GYS2: variants seen among roughly 807,000 people sequenced by gnomAD.
GYS2 encodes glycogen synthase 2.
In GYS2, 80 loss-of-function variants were observed where a neutral mutation model predicts 85.6. That is an observed-to-expected ratio of 0.93 (90% CI 0.78 to 1.13). The LOEUF (loss-of-function observed/expected upper bound fraction) is 1.13, where lower values mean the gene tolerates loss of function less well. GYS2 is among the 50% of genes most tolerant of loss of function. GYS2 has a pLI of 0.00. For synonymous variants in GYS2, 328 were observed against 300.7 expected (o/e 1.09, Z -0.94); for missense variants, 881 against 854.9 (o/e 1.03, Z -0.38).
At chr12:21,594,328 A>G (rs35178746) in intron 1 of GYS2, among the ~76,000 whole-genome samples, 7,695 of 152,256 alleles carry the variant, frequency 0.051, 258 homozygotes, top group Non-Finnish European at 0.07. Context: ...ATCTTTCCAG[A>G]TGACATGATT....
downstream of GYS2, among the ~76,000 whole-genome samples, chr12:21,535,739 C>A (rs1320849524): frequency 6.6e-6 from 1 of 152,074 alleles, no homozygotes. Flanking sequence ...TTTTTTAGAA[C>A]CTCTTCAGAA....
chr12:21,561,563 G>A (rs1944253555), intron 7 of GYS2, among the ~76,000 whole-genome samples: 1 of 152,072 alleles, frequency 6.6e-6, no homozygotes, highest in Non-Finnish European at 1.5e-5. Flanking sequence ...AAGTATTGCA[G>A]TTATCTTTTA....
chr12:21,563,038 A>T lies in GYS2; in HGVS notation c.942T>A (p.Gly314=). 2 of 1,609,060 alleles carry T rather than the reference A, an allele frequency of 1.2e-6. No homozygotes were observed. Among genetic ancestry groups the T allele is most frequent in the Middle Eastern group, 3.3e-4 (2 of 6,054 alleles). ...TCTTTTCAAGATCAAAGTCGAGATG[A>T]CTAAAACAAAACAAAACCAAACAGT... ...IQDFVRGHFY[G]HLDFDLEKTL... is the part of the protein sequence containing the mutation. The change falls in exon 7 of 16, where the codon GGT becomes GGA. Residue 314 remains glycine (G), a splice_region_variant and synonymous_variant. Transcript: ENST00000261195.
intron 1 of GYS2, among the ~76,000 whole-genome samples, chr12:21,582,044 T>G (rs1944515623): frequency 1.3e-5 from 2 of 151,520 alleles, no homozygotes; most frequent in African/African-American, 4.9e-5. Flanking sequence ...AAAGACCGAA[T>G]CAACAGAGTA....
intron 5 of GYS2, among the ~76,000 whole-genome samples, chr12:21,564,142 C>T (rs1199994601): frequency 1.3e-5 from 2 of 152,010 alleles, no homozygotes; most frequent in African/African-American, 2.4e-5. Context: ...TCAGATTTAG[C>T]AGCATAAAGC....
intron 1 of GYS2, among the ~76,000 whole-genome samples, chr12:21,600,695 T>G (rs1295218880): frequency 6.6e-6 from 1 of 152,176 alleles, no homozygotes; most frequent in Non-Finnish European, 1.5e-5. Flanking sequence ...AGAAAAGTAC[T>G]TCTATATACG....
intron 2 of GYS2, among the ~76,000 whole-genome samples, chr12:21,578,741 G>T (rs118087431): frequency 0.031 from 4,781 of 152,108 alleles, 142 homozygotes; most frequent in Non-Finnish European, 0.046. Flanking sequence ...AGCGAAAAAT[G>T]ATTCTTTCAG....
intron 4 of GYS2, among the ~76,000 whole-genome samples, chr12:21,573,516 T>C (rs2136901907): frequency 6.6e-6 from 1 of 152,280 alleles, no homozygotes. Flanking sequence ...CTGAATGACT[T>C]TGGCAGGTCA....
chr12:21,563,015 T>C lies in GYS2; in HGVS notation c.965A>G (p.Lys322Arg). Residue 322 changes from lysine to arginine, a missense_variant, in exon 7 of 16, where the codon AAG (lysine) becomes AGG (arginine). Lys to Arg is a conservative substitution (Grantham distance 26). Transcript: ENST00000261195. ...CCCAGCAATGAAAAGGAACAAAGTC[T>C]TTTCAAGATCAAAGTCGAGATGACT... ...FYGHLDFDLE[K>R]TLFLFIAGRY... 1.9e-6 allele frequency: 3 copies of C among 1,612,680 alleles called. No homozygotes were observed. The highest frequency in any genetic ancestry group is 2.5e-6 in the Non-Finnish European group (3 of 1,178,816).
chr12:21,557,304 G>A (rs559546297), intron 11 of GYS2, among the ~76,000 whole-genome samples: 1 of 152,258 alleles, frequency 6.6e-6, no homozygotes, highest in African/African-American at 2.4e-5. Context: ...CTGGAATACA[G>A]CAGGCCCTCA....
At chr12:21,555,183 A>T (rs1307143437) in intron 11 of GYS2, among the ~76,000 whole-genome samples, 2 of 152,196 alleles carry the variant, frequency 1.3e-5, no homozygotes, top group Non-Finnish European at 2.9e-5. Flanking sequence ...GGAGACAGAG[A>T]CAGAAAGACC....
At chr12:21,560,595 G>C (rs143144129) in intron 7 of GYS2, 103 bp from the exon 8 acceptor site, 5 of 735,900 alleles carry the variant, frequency 6.8e-6, no homozygotes, top group Non-Finnish European at 1.3e-5. Context: ...AATATCAGTA[G>C]ATAAAAGGTA....
chr12:21,595,986 A>G (rs979051008), intron 1 of GYS2, among the ~76,000 whole-genome samples: 1 of 152,200 alleles, frequency 6.6e-6, no homozygotes, highest in African/African-American at 2.4e-5. Flanking sequence ...ATAACCACAG[A>G]ACACACATTC....
At chr12:21,569,036 A>G in intron 4 of GYS2, 27 bp from the exon 5 acceptor site, 7 of 1,612,796 alleles carry the variant, frequency 4.3e-6, no homozygotes, top group Admixed American at 1.7e-5. Flanking sequence ...TAAAACACAC[A>G]TTTGCTAACA....
Position 21,595,351 on chromosome 12 carries a change from C to T in GYS2, c.121+9121G>A, listed in dbSNP as rs575194441. Among the ~76,000 whole-genome samples, 46 of 152,180 alleles carry T rather than the reference C, an allele frequency of 3.0e-4. No individual in the cohort carries two copies. In the Middle Eastern group the frequency reaches 0.01, roughly 34 times the overall value. On this transcript the variant is annotated intron_variant, in intron 1 of 15. Transcript: ENST00000261195. ...CCAAATACTGTGAGTGCCCCAACTGCGGAAGTGGGAAAGGGAGATCCTCCT... is the reference window on the plus strand; with the variant it reads ...CCAAATACTGTGAGTGCCCCAACTGTGGAAGTGGGAAAGGGAGATCCTCCT...
chr12:21,599,457 C>G (rs1190003026), intron 1 of GYS2, among the ~76,000 whole-genome samples: 1 of 152,160 alleles, frequency 6.6e-6, no homozygotes, highest in African/African-American at 2.4e-5. Context: ...ACACTTTGAA[C>G]AAGACCACCT....
intron 15 of GYS2, among the ~76,000 whole-genome samples, chr12:21,538,537 G>T (rs1565590327): frequency 6.6e-6 from 1 of 152,184 alleles, no homozygotes; most frequent in Non-Finnish European, 1.5e-5. Flanking sequence ...CTCCTGTGGG[G>T]CATGCAGCTA....
At chr12:21,583,147 A>G (rs1346694678) in intron 1 of GYS2, among the ~76,000 whole-genome samples, 1 of 152,222 alleles carries the variant, frequency 6.6e-6, no homozygotes, top group Non-Finnish European at 1.5e-5. Flanking sequence ...GCTGACTGGA[A>G]CTAGTGAGCA....
At chr12:21,556,928 C>A (rs1038009252) in intron 11 of GYS2, among the ~76,000 whole-genome samples, 1 of 151,962 alleles carries the variant, frequency 6.6e-6, no homozygotes, top group African/African-American at 2.4e-5. Context: ...TTATAGATAG[C>A]AAGAGAAGAA....
Sources: allele counts gnomAD v4.1 joint callset (sites outside exome capture counted in the v4.1 genomes callset), GRCh38; gene constraint gnomAD v4.1.1; transcripts MANE v1.5; gene names NCBI Gene and HGNC (gene_info 2026-07-23, HGNC 2026-07-21).